NTM: variants seen among roughly 807,000 people sequenced by gnomAD.
NTM encodes neurotrimin.
NTM carries 13 observed loss-of-function variants against 42.1 expected under a neutral mutation model. The observed-to-expected ratio is 0.31, with a 90% CI of 0.20 to 0.49. NTM has a LOEUF of 0.49. NTM is among the 20% of genes least tolerant of loss of function. The pLI is 0.99. For missense variants in NTM, 373 were observed against 452.8 expected (o/e 0.82, Z 1.60); for synonymous variants, 187 against 179.2 (o/e 1.04, Z -0.35).
intron 1 of NTM, among the ~76,000 whole-genome samples, chr11:131,411,085 T>A (rs1433839971): frequency 6.6e-6 from 1 of 152,224 alleles, no homozygotes; most frequent in East Asian, 1.9e-4. Flanking sequence ...GTTTTGTCCC[T>A]GGGGGTTCCC....
intron 1 of NTM, among the ~76,000 whole-genome samples, chr11:131,461,399 T>C (rs747805567): frequency 7.2e-5 from 11 of 152,082 alleles, no homozygotes; most frequent in Non-Finnish European, 1.2e-4. Flanking sequence ...CAATTTTGAG[T>C]TGGTGAAAAG....
Position 132,070,639 on chromosome 11 carries a change from A to C in NTM, c.168-75643A>C, listed in dbSNP as rs1193435312. Among the ~76,000 whole-genome samples, 5 of 133,974 alleles carry C rather than the reference A, an allele frequency of 3.7e-5. No homozygotes were observed. The East Asian group carries it at 1.1e-3, about 31-fold the overall frequency. 87.9% of individuals were successfully genotyped at this position (133,974 alleles called of 152,430 possible). On this transcript the variant is annotated intron_variant, in intron 2 of 8. Transcript: ENST00000683400. ...CACATCACACAGCCAAAACACGTCA[A>C]ACTGACCACCACAGGTTAGTTAACA...
chr11:132,251,192 G>T (rs963146003), intron 4 of NTM, among the ~76,000 whole-genome samples: 1 of 152,144 alleles, frequency 6.6e-6, no homozygotes, highest in Non-Finnish European at 1.5e-5. Flanking sequence ...ATTGTACAGA[G>T]CTTTTCCTGT....
rs1250834861 is a variant in NTM, at chr11:132,003,807, G to A, written c.167+92159G>A. ...ACTTTTTCTGGACCTGCCACTTACA[G>A]AACCAGCTTCATTGAGATGTTGTTT... On this transcript the variant is annotated intron_variant, in intron 2 of 8. Transcript: ENST00000683400. The surrounding 1 kb of genome is among the most constrained non-coding windows in gnomAD (Gnocchi z 6.0). 2.0e-5 allele frequency among the ~76,000 whole-genome samples: 3 copies of A among 152,122 alleles called. No homozygotes were observed. The highest frequency in any genetic ancestry group is 7.2e-5 in the African/African-American group (3 of 41,426).
intron 1 of NTM, among the ~76,000 whole-genome samples, chr11:131,561,525 G>A (rs980939243): frequency 3.9e-5 from 6 of 152,150 alleles, no homozygotes; most frequent in Non-Finnish European, 7.4e-5. Flanking sequence ...CACTCATTGT[G>A]GCCAAACCCA....
chr11:131,549,230 G>A (rs1371394647), intron 1 of NTM, among the ~76,000 whole-genome samples: 1 of 152,130 alleles, frequency 6.6e-6, no homozygotes, highest in African/African-American at 2.4e-5. Flanking sequence ...AGGCATAGAA[G>A]CTGAGGCCAC....
Position 132,189,925 on chromosome 11 carries a change from A to G in NTM, c.401-22097A>G, listed in dbSNP as rs1042414366. On this transcript the variant is annotated intron_variant, in intron 3 of 8. Coordinates refer to ENST00000683400, the MANE Select transcript of NTM (RefSeq NM_001352005.2). ...CGAAGCACACAAAAGAGATAAAAAC[A>G]TTATAGGTCCTGCCTTCTAGAATCT... 2.6e-5 allele frequency among the ~76,000 whole-genome samples: 4 copies of G among 152,250 alleles called. No homozygotes were observed. In the East Asian group the frequency reaches 5.8e-4, roughly 22 times the overall value.
chr11:132,171,108 C>T (rs2076051210), intron 3 of NTM, among the ~76,000 whole-genome samples: 1 of 152,138 alleles, frequency 6.6e-6, no homozygotes, highest in Non-Finnish European at 1.5e-5. Context: ...GTTTGTAGTT[C>T]TTCATCTTTC....
At chr11:131,563,650 T>A (rs1464709981) in intron 1 of NTM, among the ~76,000 whole-genome samples, 1 of 149,074 alleles carries the variant, frequency 6.7e-6, no homozygotes. Context: ...AAACAATACT[T>A]AGTACAATAC....
At chr11:131,767,407 A>G (rs2085295039) in intron 1 of NTM, among the ~76,000 whole-genome samples, 1 of 152,192 alleles carries the variant, frequency 6.6e-6, no homozygotes, top group Non-Finnish European at 1.5e-5. Context: ...AAAGAAAAAA[A>G]GAAAATCTAC....
intron 1 of NTM, among the ~76,000 whole-genome samples, chr11:131,392,073 T>G (rs559323675): frequency 3.9e-5 from 6 of 152,378 alleles, no homozygotes; most frequent in Admixed American, 1.3e-4. Flanking sequence ...TTGCCACTGC[T>G]CTAAAATACT....
At chr11:131,407,742 G>T (rs1323163780) in intron 1 of NTM, among the ~76,000 whole-genome samples, 1 of 152,186 alleles carries the variant, frequency 6.6e-6, no homozygotes, top group Admixed American at 6.5e-5. Context: ...TGCCCTCGAG[G>T]TTTCCTGGCT....
intron 1 of NTM, among the ~76,000 whole-genome samples, chr11:131,409,286 C>T (rs554941201): frequency 1.3e-5 from 2 of 152,348 alleles, no homozygotes; most frequent in Admixed American, 6.5e-5. Flanking sequence ...TGAGAATGGA[C>T]ATTTACCCCT....
At chr11:132,193,187 T>A (rs988832049) in intron 3 of NTM, among the ~76,000 whole-genome samples, 10 of 152,050 alleles carry the variant, frequency 6.6e-5, no homozygotes, top group Admixed American at 4.6e-4. Flanking sequence ...AACAACAGAA[T>A]GACAACAGAA....
At chr11:131,770,380 T>C (rs2085871325) in intron 1 of NTM, among the ~76,000 whole-genome samples, 1 of 152,192 alleles carries the variant, frequency 6.6e-6, no homozygotes, top group Non-Finnish European at 1.5e-5. Context: ...ATCAGCACAG[T>C]TGACTTTGTC....
chr11:132,186,946 G>A (rs1592098699), intron 3 of NTM, among the ~76,000 whole-genome samples: 2 of 152,168 alleles, frequency 1.3e-5, no homozygotes, highest in Admixed American at 1.3e-4. Flanking sequence ...TTCAGAGGGG[G>A]TTTGTGGCAG....
At chr11:131,971,083 C>T (rs764197736) in intron 2 of NTM, among the ~76,000 whole-genome samples, 4 of 151,896 alleles carry the variant, frequency 2.6e-5, no homozygotes, top group Admixed American at 2.0e-4. Flanking sequence ...TCATAGCCAG[C>T]GGTGATTTTG....
rs111502561 is a variant in NTM, at chr11:132,074,296, C to T, written c.168-71986C>T. On this transcript the variant is annotated intron_variant, in intron 2 of 8. Coordinates refer to ENST00000683400, the MANE Select transcript of NTM (RefSeq NM_001352005.2). ...TTTGGCTGAGTCAGTTTCTCAGGGT[C>T]CATCACCATTCTTGTGGGGACTCAG... Among the ~76,000 whole-genome samples, 495 of 152,240 alleles carry T rather than the reference C, an allele frequency of 3.3e-3. 3 individuals are homozygous for T. Among genetic ancestry groups the T allele is most frequent in the African/African-American group, 0.011 (465 of 41,540 alleles).
At position 131,696,097 on chromosome 11, in the gene NTM, G is replaced by A. The variant is rs144151739; in HGVS notation, c.83-215467G>A. 6.2e-3 allele frequency among the ~76,000 whole-genome samples: 938 copies of A among 152,306 alleles called. 9 individuals carry two copies. Among genetic ancestry groups the A allele is most frequent in the Non-Finnish European group, 7.3e-3 (495 of 68,030 alleles). On this transcript the variant is annotated intron_variant, in intron 1 of 8. Coordinates refer to ENST00000683400, the MANE Select transcript of NTM (RefSeq NM_001352005.2). The stretch of plus-strand genomic sequence containing the variant: ...GACATGAAAGAACCCACAGCCAAAG[G>A]GAGCCGGCCCCCAGGGGAAGGAGGG...
Sources: allele counts gnomAD v4.1 joint callset (sites outside exome capture counted in the v4.1 genomes callset), GRCh38; gene constraint gnomAD v4.1.1; non-coding constraint Gnocchi (gnomAD v3.1); transcripts MANE v1.5; gene names NCBI Gene and HGNC (gene_info 2026-07-23, HGNC 2026-07-21).